MCTP2: variants seen among roughly 807,000 people sequenced by gnomAD.
MCTP2 encodes multiple C2 and transmembrane domain-containing protein 2.
In MCTP2, 132 loss-of-function variants were observed where a neutral mutation model predicts 111.6. The observed-to-expected ratio is 1.18, with a 90% confidence interval of 1.03 to 1.37. MCTP2 has a LOEUF of 1.37. Ranked by LOEUF, MCTP2 falls within the 40% of genes most tolerant of loss-of-function variation. The probability of loss-of-function intolerance (pLI) is 0.00; values close to 1 mark genes in which losing one functional copy is unlikely to be tolerated. For synonymous variants in MCTP2, 395 were observed against 387.7 expected, an observed-to-expected ratio of 1.02 and a Z score of -0.22; for missense variants, 1,183 against 1,067.9, an observed-to-expected ratio of 1.11 and a Z score of -1.50.
At chr15:94,465,242 G>T (rs969531341) in intron 20 of MCTP2, among the ~76,000 whole-genome samples, 5 of 152,136 alleles carry the variant, frequency 3.3e-5, no homozygotes, top group Middle Eastern at 3.4e-3. Flanking sequence ...GACCAATATT[G>T]GTATGGCTAT....
intron 16 of MCTP2, among the ~76,000 whole-genome samples, chr15:94,400,679 A>G (rs1050284308): frequency 6.9e-6 from 1 of 145,886 alleles, no homozygotes; most frequent in Non-Finnish European, 1.5e-5. Flanking sequence ...GCAGCTCAGG[A>G]TTTCACTTTG....
At chr15:94,325,812 A>ATTTTTTTTTTTTTTTTTTTTTT (rs557989149) in intron 4 of MCTP2, among the ~76,000 whole-genome samples, 21 of 91,872 alleles carry the variant, frequency 2.3e-4, no homozygotes, top group Non-Finnish European at 3.4e-4. Flanking sequence ...CATCGCTCCG[A>ATTTTTTTTTTTTTTTTTTTTTT]TTTTTTTTTT....
chr15:94,321,265 T>A (rs2076618233), intron 4 of MCTP2, among the ~76,000 whole-genome samples: 1 of 152,162 alleles, frequency 6.6e-6, no homozygotes, highest in Non-Finnish European at 1.5e-5. Flanking sequence ...CTATACTTAA[T>A]AATAATTTAT....
rs367589807 is a variant in MCTP2, at chr15:94,308,052, A to G, written c.466-6230A>G. On this transcript the variant is annotated intron_variant, in intron 2 of 22. Transcript: ENST00000357742. The stretch of plus-strand genomic sequence containing the variant: ...TGTAAGGAACTCTGCTAATTTCTAC[A>G]TAAATATTATCAGACCACATCTATT... Among the ~76,000 whole-genome samples, 7 of 152,318 alleles carry G rather than the reference A, an allele frequency of 4.6e-5. No homozygotes were observed. The South Asian group carries it at 1.0e-3, about 23-fold the overall frequency.
intron 17 of MCTP2, among the ~76,000 whole-genome samples, chr15:94,438,867 G>A (rs1397229159): frequency 6.6e-6 from 1 of 152,032 alleles, no homozygotes; most frequent in Non-Finnish European, 1.5e-5. Context: ...TTTCATTAAA[G>A]CCACGAATTA....
intron 17 of MCTP2, among the ~76,000 whole-genome samples, chr15:94,435,813 A>G (rs1391337446): frequency 2.7e-5 from 4 of 146,726 alleles, no homozygotes; most frequent in Non-Finnish European, 4.5e-5. Context: ...TTGTATTTTT[A>G]GTAGAGACGG....
rs545182708 is a variant in MCTP2 at position 94,236,416 on chromosome 15, C to G, written c.-66+4752C>G. 1.9e-4 allele frequency among the ~76,000 whole-genome samples: 23 copies of G among 121,574 alleles called. No individual in the cohort carries two copies. The East Asian group carries it at 4.7e-3, about 25-fold the overall frequency. 79.8% of individuals were successfully genotyped at this position (121,574 alleles called of 152,430 possible). On this transcript the variant is annotated intron_variant, in intron 1 of 22. Transcript: ENST00000357742. ...TTTTTTTTTTTTTTTACGAAATAGC[C>G]CCATGGTGTCAAGCAGCGTGAGTAA...
At chr15:94,366,581 C>T (rs2079195113) in intron 10 of MCTP2, among the ~76,000 whole-genome samples, 2 of 152,268 alleles carry the variant, frequency 1.3e-5, no homozygotes, top group South Asian at 4.1e-4. Flanking sequence ...TGCAAATGTA[C>T]AAAGTCCATT....
At chr15:94,306,641 T>C (rs1486369144) in intron 2 of MCTP2, among the ~76,000 whole-genome samples, 1 of 152,240 alleles carries the variant, frequency 6.6e-6, no homozygotes, top group Non-Finnish European at 1.5e-5. Context: ...CTCATTGTCA[T>C]GGTCAATAAC....
In MCTP2 at chr15:94,409,421, C is replaced by G. The variant is rs368487832; in HGVS notation, c.2085+7402C>G. On this transcript the variant is annotated intron_variant, in intron 17 of 22. Transcript: ENST00000357742. Reference sequence around the variant, plus strand: ...TAACCACCAGATGCCAAGCAGAGCTCTACCTCAAGGCTATGATAATACTCA... The same window carrying G: ...TAACCACCAGATGCCAAGCAGAGCTGTACCTCAAGGCTATGATAATACTCA... Among the ~76,000 whole-genome samples the G allele has an allele frequency of 1.2e-4, 19 of 152,186 alleles. No individual in the cohort carries two copies. In the South Asian group the frequency reaches 3.9e-3, roughly 32 times the overall value.
intron 21 of MCTP2, among the ~76,000 whole-genome samples, chr15:94,470,786 C>A (rs1596845175): frequency 2.3e-5 from 1 of 43,838 alleles, no homozygotes; most frequent in African/African-American, 6.5e-5. Context: ...TGAGCAAACA[C>A]CTACCTGCAT....
chr15:94,344,771 A>G (rs2077871261), intron 7 of MCTP2, among the ~76,000 whole-genome samples: 2 of 152,192 alleles, frequency 1.3e-5, no homozygotes. Flanking sequence ...AAACATTTTT[A>G]TAATATCTGA....
At chr15:94,330,605 C>T (rs75470808) in intron 4 of MCTP2, among the ~76,000 whole-genome samples, 2 of 152,004 alleles carry the variant, frequency 1.3e-5, no homozygotes, top group African/African-American at 4.8e-5. Flanking sequence ...TTGTCATTGC[C>T]TTCTTCTAAC....
At chr15:94,449,315 T>G (rs1430039061) in intron 19 of MCTP2, among the ~76,000 whole-genome samples, 1 of 152,204 alleles carries the variant, frequency 6.6e-6, no homozygotes, top group Non-Finnish European at 1.5e-5. Flanking sequence ...AAATATTAAG[T>G]TTCATAATAT....
intron 1 of MCTP2, among the ~76,000 whole-genome samples, chr15:94,239,294 T>C (rs1195132215): frequency 6.6e-6 from 1 of 152,254 alleles, no homozygotes; most frequent in Non-Finnish European, 1.5e-5. Flanking sequence ...TTCTTCGGTT[T>C]ATAGTCTGGA....
intron 14 of MCTP2, among the ~76,000 whole-genome samples, chr15:94,390,725 C>CTTTTTTTTTTTTT (rs777312969): frequency 3.8e-4 from 43 of 112,982 alleles, no homozygotes; most frequent in African/African-American, 7.9e-4. Flanking sequence ...CTTTTCTTTT[C>CTTTTTTTTTTTTT]TTTTTTTTTT....
intron 2 of MCTP2, among the ~76,000 whole-genome samples, chr15:94,306,519 G>A (rs1374075689): frequency 6.6e-6 from 1 of 152,112 alleles, no homozygotes; most frequent in African/African-American, 2.4e-5. Flanking sequence ...TTCTGCAAAT[G>A]GGAGAGCTCA....
chr15:94,470,501 T>A, intron 21 of MCTP2, 59 bp downstream of exon 21: 1 of 1,113,954 alleles, frequency 9.0e-7, no homozygotes, highest in Non-Finnish European at 1.4e-6. Flanking sequence ...CAATTACTCA[T>A]TTTTAAAGTG....
chr15:94,242,307 G>T (rs2071026644), intron 1 of MCTP2, among the ~76,000 whole-genome samples: 1 of 152,128 alleles, frequency 6.6e-6, no homozygotes. Context: ...AATACTTTGA[G>T]ATGCCTGTGG....
Sources: allele counts gnomAD v4.1 joint callset (sites outside exome capture counted in the v4.1 genomes callset), GRCh38; gene constraint gnomAD v4.1.1; transcripts MANE v1.5; gene names NCBI Gene and HGNC (gene_info 2026-07-23, HGNC 2026-07-21).